Variants in NCKAP5 observed in about 807,000 individuals in gnomAD.
NCKAP5 encodes the protein nck-associated protein 5.
A neutral mutation model predicts 167.0 loss-of-function variants in NCKAP5; 92 were observed. That is an observed-to-expected ratio of 0.55 (90% CI 0.47 to 0.66). NCKAP5 has a LOEUF of 0.66. NCKAP5 is among the 30% of genes least tolerant of loss of function. The pLI is 0.00. For missense variants in NCKAP5, 2,378 were observed against 2,315.0 expected, an observed-to-expected ratio of 1.03 and a Z score of -0.56; for synonymous variants, 891 against 877.4, an observed-to-expected ratio of 1.02 and a Z score of -0.27.
At chr2:132,989,413 G>A (rs1275806861) in intron 7 of NCKAP5, among the ~76,000 whole-genome samples, 1 of 152,154 alleles carries the variant, frequency 6.6e-6, no homozygotes. Flanking sequence ...CACCTAGAGA[G>A]AATGAGCTGG....
At chr2:132,759,735 A>G (rs1159081899) in intron 16 of NCKAP5, among the ~76,000 whole-genome samples, 9 of 151,848 alleles carry the variant, frequency 5.9e-5, no homozygotes, top group Non-Finnish European at 1.3e-4. Flanking sequence ...TAGATTTATT[A>G]TATCTAAACA....
At chr2:133,613,804 G>C in the NCKAP5 span, among the ~76,000 whole-genome samples, 1 of 152,286 alleles carries the variant, frequency 6.6e-6, no homozygotes, top group Non-Finnish European at 1.5e-5. Flanking sequence ...TCCCAATGTT[G>C]GACAGCGTGT....
chr2:132,995,520 A>C (rs2077569557), intron 6 of NCKAP5, among the ~76,000 whole-genome samples: 2 of 151,720 alleles, frequency 1.3e-5, no homozygotes, highest in Admixed American at 1.3e-4. Context: ...GTGTGGTGGC[A>C]AACTCTTGTA....
intron 5 of NCKAP5, among the ~76,000 whole-genome samples, chr2:133,130,845 T>TTTG (rs71398586): frequency 4.0e-5 from 6 of 151,564 alleles, no homozygotes; most frequent in Non-Finnish European, 8.8e-5. Context: ...TTGTTTTTGT[T>TTTG]TTGTTGTTGT....
At chr2:133,308,754 TGC>T (rs1681001428) in intron 3 of NCKAP5, among the ~76,000 whole-genome samples, 1 of 128,834 alleles carries the variant, frequency 7.8e-6, no homozygotes, top group African/African-American at 2.9e-5. Context: ...CAGGCCGGAC[TGC>T]GGACTGCAGT....
chr2:132,943,805 G>A (rs1697480146), intron 8 of NCKAP5, among the ~76,000 whole-genome samples: 2 of 148,974 alleles, frequency 1.3e-5, no homozygotes, highest in African/African-American at 2.6e-5. Flanking sequence ...ATGCTGCCCT[G>A]TGATCAAATC....
chr2:133,208,548 C>T (rs2086064152), intron 5 of NCKAP5, among the ~76,000 whole-genome samples: 1 of 152,094 alleles, frequency 6.6e-6, no homozygotes, highest in African/African-American at 2.4e-5. Context: ...ACAAGGAAAG[C>T]CTGAGAAACT....
chr2:132,865,430 T>G (rs554162900), intron 10 of NCKAP5, among the ~76,000 whole-genome samples: 1 of 152,226 alleles, frequency 6.6e-6, no homozygotes, highest in African/African-American at 2.4e-5. Context: ...TCCTGGAAAT[T>G]GGGGAATTTG....
At chr2:133,490,617 A>G (rs1057375060) in intron 3 of NCKAP5, among the ~76,000 whole-genome samples, 1 of 152,190 alleles carries the variant, frequency 6.6e-6, no homozygotes, top group Non-Finnish European at 1.5e-5. Flanking sequence ...CGGTCAGCAT[A>G]ATGGTGAAAA....
intron 3 of NCKAP5, among the ~76,000 whole-genome samples, chr2:133,388,471 A>T (rs1574857808): frequency 6.6e-6 from 1 of 152,218 alleles, no homozygotes. Flanking sequence ...CCTCCCAGAT[A>T]GGCTACTCGG....
intron 3 of NCKAP5, among the ~76,000 whole-genome samples, chr2:133,402,066 T>C (rs1688136818): frequency 6.6e-6 from 1 of 151,696 alleles, no homozygotes; most frequent in African/African-American, 2.4e-5. Context: ...CTTTAAAATT[T>C]TGTGTCTTCC....
At chr2:133,007,502 T>C (rs1225193952) in intron 6 of NCKAP5, among the ~76,000 whole-genome samples, 1 of 152,134 alleles carries the variant, frequency 6.6e-6, no homozygotes, top group African/African-American at 2.4e-5. Context: ...GAATAATCTA[T>C]TATACTAGTT....
intron 5 of NCKAP5, among the ~76,000 whole-genome samples, chr2:133,140,034 C>T (rs1391087541): frequency 2.0e-5 from 3 of 152,152 alleles, no homozygotes. Flanking sequence ...TTTATTTACT[C>T]AACCAGTGGG....
chr2:133,503,193 AT>A (rs1682692624), intron 3 of NCKAP5, among the ~76,000 whole-genome samples: 1 of 152,112 alleles, frequency 6.6e-6, no homozygotes, highest in Non-Finnish European at 1.5e-5. Flanking sequence ...ACTGTTATTC[AT>A]TTCTTCCTTT....
chr2:133,094,418 C>G (rs2081283438), intron 6 of NCKAP5, among the ~76,000 whole-genome samples: 2 of 152,172 alleles, frequency 1.3e-5, no homozygotes, highest in Admixed American at 6.5e-5. Flanking sequence ...TTAAAAGACT[C>G]CTTTTAAGGC....
intron 3 of NCKAP5, among the ~76,000 whole-genome samples, chr2:133,420,624 G>C (rs1449755066): frequency 3.3e-5 from 5 of 152,188 alleles, no homozygotes; most frequent in Admixed American, 6.5e-5. Context: ...ACTTCAAAAA[G>C]ATAAAATAGG....
intron 5 of NCKAP5, among the ~76,000 whole-genome samples, chr2:133,140,614 C>A (rs138320819): frequency 6.6e-6 from 1 of 151,976 alleles, no homozygotes; most frequent in East Asian, 1.9e-4. Flanking sequence ...CTTCACTGCC[C>A]GCCTAATTTA....
intron 19 of NCKAP5, among the ~76,000 whole-genome samples, chr2:132,687,056 C>CA (rs1050655990): frequency 4.0e-5 from 6 of 151,608 alleles, no homozygotes; most frequent in Admixed American, 1.3e-4. Flanking sequence ...AGTTTTATGA[C>CA]AAAAAAAATC....
rs977357801 is a variant in NCKAP5, at chr2:132,708,709, C to T, written c.5713+16918G>A. On this transcript the variant is annotated intron_variant, in intron 19 of 19. Transcript: ENST00000409261. ...GTAGAGCGCTTCATGTGTTTATTAC[C>T]GATATTTGTTTTCTATTCTTTAGAA... 5.3e-5 allele frequency among the ~76,000 whole-genome samples: 8 copies of T among 152,156 alleles called. No homozygotes were observed. The East Asian group carries it at 1.3e-3, about 26-fold the overall frequency.
Sources: gnomAD v4.1 joint callset for allele counts (sites outside exome capture counted in the v4.1 genomes callset) on GRCh38, gnomAD v4.1.1 for gene constraint, MANE v1.5 for transcripts, NCBI Gene and HGNC (gene_info 2026-07-23, HGNC 2026-07-21) for gene names.